The following PAAF1 variants were observed in gnomAD, a reference collection of about 807,000 sequenced individuals.
PAAF1 encodes the protein proteasomal ATPase associated factor 1.
PAAF1 carries 46 observed loss-of-function variants against 52.8 expected under a neutral mutation model. That is an observed-to-expected ratio of 0.87 (90% CI 0.69 to 1.11). PAAF1 has a LOEUF of 1.11. Ranked by LOEUF, PAAF1 falls within the 50% of genes most tolerant of loss-of-function variation. PAAF1 has a pLI of 0.00. For missense variants in PAAF1, 424 were observed against 477.4 expected (o/e 0.89, Z 1.04); for synonymous variants, 178 against 172.8 (o/e 1.03, Z -0.24).
intron 2 of PAAF1, chr11:73,887,099 C>T (rs750761480): frequency 5.5e-5 from 25 of 455,312 alleles, no homozygotes; most frequent in South Asian, 1.9e-4. Flanking sequence ...TCTGCAGAAC[C>T]GTGAGCCAAA....
intron 4 of PAAF1, among the ~76,000 whole-genome samples, chr11:73,896,951 C>A (rs183037052): frequency 1.5e-5 from 2 of 136,860 alleles, no homozygotes; most frequent in African/African-American, 5.6e-5. Flanking sequence ...CCTCCCTCCC[C>A]GACGGGGCGG....
intron 3 of PAAF1, among the ~76,000 whole-genome samples, chr11:73,887,894 C>T (rs955010389): frequency 6.6e-6 from 1 of 152,046 alleles, no homozygotes; most frequent in African/African-American, 2.4e-5. Context: ...GGATTATGGG[C>T]GCCCGCCACC....
intron 8 of PAAF1, among the ~76,000 whole-genome samples, chr11:73,916,311 C>CAGAGTATATTAT (rs143544509): frequency 0.11 from 16,142 of 151,944 alleles, 906 homozygotes; most frequent in East Asian, 0.18. Flanking sequence ...ACTGCTACTT[C>CAGAGTATATTAT]AGAGTATATT....
intron 4 of PAAF1, among the ~76,000 whole-genome samples, chr11:73,896,657 T>A (rs2135160975): frequency 6.6e-6 from 1 of 152,286 alleles, no homozygotes; most frequent in East Asian, 1.9e-4. Flanking sequence ...GAAGAATTTT[T>A]CTTAGTACGG....
intron 11 of PAAF1, among the ~76,000 whole-genome samples, chr11:73,926,042 CT>C (rs199668144): frequency 6.6e-6 from 1 of 151,852 alleles, no homozygotes; most frequent in African/African-American, 2.4e-5. Context: ...TGCCCTGTGA[CT>C]TTTTTTTAAT....
At chr11:73,891,022 C>T (rs1949185230) in intron 3 of PAAF1, 90 bp from the exon 4 acceptor site, 2 of 757,446 alleles carry the variant, frequency 2.6e-6, no homozygotes, top group Non-Finnish European at 4.5e-6. Context: ...TGAGAATGTC[C>T]TGTAGTCCTA....
At chr11:73,891,905 G>A (rs9651759) in intron 4 of PAAF1, among the ~76,000 whole-genome samples, 12,079 of 152,150 alleles carry the variant, frequency 0.079, 663 homozygotes, top group African/African-American at 0.16. Flanking sequence ...AATTTTCAAA[G>A]GTCTTTGTGA....
At chr11:73,898,023 A>G (rs1350608141) in intron 4 of PAAF1, among the ~76,000 whole-genome samples, 1 of 152,144 alleles carries the variant, frequency 6.6e-6, no homozygotes, top group Non-Finnish European at 1.5e-5. Flanking sequence ...TCCACCAAAA[A>G]AACACGAAAA....
intron 2 of PAAF1, among the ~76,000 whole-genome samples, chr11:73,881,996 T>A (rs1948920859): frequency 6.6e-6 from 1 of 152,044 alleles, no homozygotes; most frequent in Non-Finnish European, 1.5e-5. Flanking sequence ...TGCCTCAGCC[T>A]CCCGAGTAGC....
intron 7 of PAAF1, among the ~76,000 whole-genome samples, chr11:73,910,208 C>T (rs371684962): frequency 4.5e-4 from 69 of 152,276 alleles, no homozygotes; most frequent in African/African-American, 1.5e-3. Context: ...CAGGCCTGCA[C>T]CACCATGCCT....
chr11:73,900,219 A>G, intron 5 of PAAF1, 51 bp from the exon 6 acceptor site: 1 of 1,540,528 alleles, frequency 6.5e-7, no homozygotes, highest in Non-Finnish European at 8.8e-7. Context: ...GTAAGAGAAC[A>G]TCAAGGGATG....
intron 7 of PAAF1, among the ~76,000 whole-genome samples, chr11:73,911,025 T>A (rs1426011625): frequency 2.7e-5 from 4 of 150,790 alleles, no homozygotes; most frequent in African/African-American, 9.7e-5. Context: ...CAGGGAGTTC[T>A]TATATACCTT....
rs746091940 is a variant in PAAF1, at chr11:73,899,192, C to T, written c.329C>T (p.Ser110Phe). 2.5e-6 allele frequency: 4 copies of T among 1,614,084 alleles called. No individual in the cohort carries two copies. The highest frequency in any genetic ancestry group is 3.4e-6 in the Non-Finnish European group (4 of 1,180,018). ...ISSRGGLGVS[S>F]STDGTMKIWQ... is the part of the protein sequence containing the mutation. ...AGCAGAGGAGGTCTTGGTGTGTCTT[C>T]TAGTACTGACGGGACCATGAAAATC... Residue 110 changes from serine to phenylalanine, a missense_variant, in exon 5 of 12, where the codon TCT (serine) becomes TTT (phenylalanine). Transcript: ENST00000310571.
At position 73,907,161 on chromosome 11, in the gene PAAF1, C is replaced by T. The variant is rs558305216; in HGVS notation, c.533-2238C>T. On this transcript the variant is annotated intron_variant, in intron 6 of 11. Transcript: ENST00000310571. ...GCTGTGTATTCCTGAGGCTAGGGAC[C>T]ATAGCAAATATTCAGATTATAGATA... Among the ~76,000 whole-genome samples, 9 of 151,864 alleles carry T rather than the reference C, an allele frequency of 5.9e-5. No homozygotes were observed. The South Asian group carries it at 1.5e-3, about 25-fold the overall frequency.
At chr11:73,899,723 A>T (rs1013839464) in intron 5 of PAAF1, among the ~76,000 whole-genome samples, 3 of 152,058 alleles carry the variant, frequency 2.0e-5, no homozygotes, top group Non-Finnish European at 4.4e-5. Flanking sequence ...CTCAGCTGTC[A>T]ATTCGAGAAC....
intron 11 of PAAF1, 93 bp from the exon 12 acceptor site, chr11:73,927,192 C>G: frequency 1.1e-6 from 1 of 928,022 alleles, no homozygotes; most frequent in Non-Finnish European, 1.8e-6. Flanking sequence ...TTCTCAGACT[C>G]CATGGGACTA....
chr11:73,908,584 A>C lies in PAAF1; in HGVS notation c.533-815A>C, dbSNP rs185018164. On this transcript the variant is annotated intron_variant, in intron 6 of 11. Transcript: ENST00000310571. ...CATACCTAAATTAAATTTTTTGTAC[A>C]GACAGAGTCATGCTGTGTCACCCAG... Among the ~76,000 whole-genome samples the C allele has an allele frequency of 4.2e-4, 64 of 151,466 alleles. No individual in the cohort carries two copies. In the East Asian group the frequency reaches 0.012, roughly 28 times the overall value.
At chr11:73,893,868 G>T (rs1346746580) in intron 4 of PAAF1, among the ~76,000 whole-genome samples, 2 of 152,002 alleles carry the variant, frequency 1.3e-5, no homozygotes, top group African/African-American at 4.8e-5. Flanking sequence ...AGACCAGCCT[G>T]GACAACATAG....
chr11:73,903,736 T>C (rs1460816506), intron 6 of PAAF1, among the ~76,000 whole-genome samples: 1 of 149,620 alleles, frequency 6.7e-6, no homozygotes, highest in Non-Finnish European at 1.5e-5. Context: ...AAAAATCTCT[T>C]ATGAGATTTT....
Sources: gnomAD v4.1 joint callset for allele counts (sites outside exome capture counted in the v4.1 genomes callset) on GRCh38, gnomAD v4.1.1 for gene constraint, MANE v1.5 for transcripts, NCBI Gene and HGNC (gene_info 2026-07-23, HGNC 2026-07-21) for gene names.